The following C20orf203 variants were observed in gnomAD, a reference collection of about 807,000 sequenced individuals.
The protein encoded by C20orf203 is chromosome 20 open reading frame 203, also known as uncharacterized protein C20orf203.
Under a neutral mutation model 15.9 loss-of-function variants are expected in C20orf203, and 16 were observed. That is an observed-to-expected ratio of 1.01 (90% CI 0.68 to 1.53). The LOEUF is 1.53. C20orf203 is among the 40% of genes most tolerant of loss of function. C20orf203 has a pLI of 0.00. For missense variants in C20orf203, 263 were observed against 247.5 expected (o/e 1.06, Z -0.42); for synonymous variants, 98 against 97.2 (o/e 1.01, Z -0.05).
At chr20:32,641,927 T>C (rs965369833) in intron 4 of C20orf203, among the ~76,000 whole-genome samples, 2 of 152,158 alleles carry the variant, frequency 1.3e-5, no homozygotes, top group Admixed American at 6.6e-5. Context: ...AACCTCCACC[T>C]CCCAGGCTCA....
intron 1 of C20orf203, among the ~76,000 whole-genome samples, chr20:32,662,940 G>A (rs1568754610): frequency 2.1e-5 from 3 of 143,532 alleles, no homozygotes; most frequent in African/African-American, 5.2e-5. Flanking sequence ...TAGATAGATA[G>A]ATATAAATAT....
intron 1 of C20orf203, among the ~76,000 whole-genome samples, chr20:32,671,979 C>T (rs1983180764): frequency 6.6e-6 from 1 of 151,760 alleles, no homozygotes; most frequent in Non-Finnish European, 1.5e-5. Flanking sequence ...AGGTCTTCTG[C>T]ACAACATTGT....
At chr20:32,667,739 C>T (rs1600942434) in intron 1 of C20orf203, among the ~76,000 whole-genome samples, 1 of 152,124 alleles carries the variant, frequency 6.6e-6, no homozygotes, top group South Asian at 2.1e-4. Flanking sequence ...GGGGCAATCT[C>T]GGCTCACTGC....
At chr20:32,643,619 C>T (rs1406849534) in intron 4 of C20orf203, among the ~76,000 whole-genome samples, 1 of 140,280 alleles carries the variant, frequency 7.1e-6, no homozygotes, top group Non-Finnish European at 1.5e-5. Flanking sequence ...CAGCCGCTTC[C>T]TGGAACCACA....
chr20:32,654,819 G>A (rs1447607860), intron 1 of C20orf203, among the ~76,000 whole-genome samples: 8 of 152,150 alleles, frequency 5.3e-5, no homozygotes, highest in African/African-American at 9.7e-5. Context: ...ATTCCAGCCC[G>A]TGTGACACAG....
chr20:32,673,739 T>C lies in C20orf203; in HGVS notation c.-371A>G, dbSNP rs1983230094. The C allele has an allele frequency of 6.6e-6, 1 of 152,290 alleles. No homozygotes were observed. Among genetic ancestry groups the C allele is most frequent in the Admixed American group, 6.5e-5 (1 of 15,282 alleles). 9.4% of individuals were successfully genotyped at this position (152,290 alleles called of 1,614,324 possible). On this transcript the variant is annotated 5_prime_UTR_variant, in exon 1 of 6. In the 5' UTR this introduces an upstream ATG that the reference lacks. Transcript: ENST00000608990. ...AGATTCTTCAAGGGCACATAAAACA[T>C]ATCTGCCTTTGCTCACTGTGATGTC...
At chr20:32,635,194 AAAAT>A (rs1406160092) in intron 5 of C20orf203, among the ~76,000 whole-genome samples, 1 of 151,366 alleles carries the variant, frequency 6.6e-6, no homozygotes, top group Admixed American at 6.6e-5. Context: ...ACCGTGTCTC[AAAAT>A]AAATAAATAA....
chr20:32,653,299 G>A (rs563216972), intron 1 of C20orf203, among the ~76,000 whole-genome samples: 3 of 152,306 alleles, frequency 2.0e-5, no homozygotes, highest in African/African-American at 7.2e-5. Flanking sequence ...GAACCCAGAA[G>A]TTCCTCTGTA....
intron 4 of C20orf203, among the ~76,000 whole-genome samples, chr20:32,643,772 G>A (rs959067737): frequency 1.3e-5 from 2 of 152,078 alleles, no homozygotes; most frequent in Admixed American, 1.3e-4. Context: ...GCCCAAGGTC[G>A]ATTTAACATC....
At chr20:32,669,142 C>CCAGGCAGAT (rs1983103324) in intron 1 of C20orf203, among the ~76,000 whole-genome samples, 1 of 152,160 alleles carries the variant, frequency 6.6e-6, no homozygotes, top group African/African-American at 2.4e-5. Context: ...CCTGGGGTGC[C>CCAGGCAGAT]CCAGCCTCTG....
chr20:32,672,352 A>G (rs1983192604), intron 1 of C20orf203, among the ~76,000 whole-genome samples: 1 of 150,242 alleles, frequency 6.7e-6, no homozygotes, highest in African/African-American at 2.5e-5. Context: ...AAAATAAAAT[A>G]AAATAAAATA....
intron 5 of C20orf203, among the ~76,000 whole-genome samples, chr20:32,636,602 C>T (rs1163262948): frequency 2.0e-5 from 3 of 152,306 alleles, no homozygotes; most frequent in South Asian, 2.1e-4. Context: ...CCTGCCTCAT[C>T]GCTCACTGAG....
At chr20:32,661,849 C>T in intron 1 of C20orf203, among the ~76,000 whole-genome samples, 1 of 152,184 alleles carries the variant, frequency 6.6e-6, no homozygotes, top group African/African-American at 2.4e-5. Flanking sequence ...CAAAGCCCCC[C>T]ACTCCACACC....
intron 5 of C20orf203, among the ~76,000 whole-genome samples, chr20:32,637,869 T>C (rs1050751004): frequency 6.6e-6 from 1 of 152,148 alleles, no homozygotes; most frequent in African/African-American, 2.4e-5. Flanking sequence ...TGTGCATGCA[T>C]GCATGTGTGT....
intron 1 of C20orf203, among the ~76,000 whole-genome samples, chr20:32,667,984 C>A (rs888840025): frequency 6.6e-6 from 1 of 152,160 alleles, no homozygotes; most frequent in Non-Finnish European, 1.5e-5. Flanking sequence ...ATCTTCTAGC[C>A]ACTCAGTATC....
intron 1 of C20orf203, chr20:32,657,613 G>T (rs1008114077): frequency 6.6e-6 from 1 of 151,632 alleles, no homozygotes; most frequent in African/African-American, 2.4e-5. Context: ...TACTAACATC[G>T]ATGAGGTCCA....
chr20:32,665,880 G>A (rs1275943179), intron 1 of C20orf203, among the ~76,000 whole-genome samples: 1 of 152,108 alleles, frequency 6.6e-6, no homozygotes, highest in Admixed American at 6.6e-5. Context: ...AGCTTGCAGT[G>A]AGCCCAGATC....
chr20:32,639,627 TAA>T (rs11353903), intron 5 of C20orf203, among the ~76,000 whole-genome samples: 364 of 129,196 alleles, frequency 2.8e-3, no homozygotes, highest in Admixed American at 6.8e-3. Context: ...TTTTAAATAG[TAA>T]AAAAAAAAAA....
At chr20:32,668,713 C>A (rs895749109) in intron 1 of C20orf203, among the ~76,000 whole-genome samples, 4 of 151,962 alleles carry the variant, frequency 2.6e-5, no homozygotes, top group Admixed American at 6.6e-5. Flanking sequence ...ATCCCAGCTA[C>A]TAGGGAGGCT....
Sources: allele counts gnomAD v4.1 joint callset (sites outside exome capture counted in the v4.1 genomes callset), GRCh38; gene constraint gnomAD v4.1.1; transcripts MANE v1.5; gene names NCBI Gene and HGNC (gene_info 2026-07-23, HGNC 2026-07-21).